The following RAB44 variants were observed in gnomAD, a reference collection of about 807,000 sequenced individuals.
RAB44 encodes RAB44, member RAS oncogene family.
In RAB44, 67 loss-of-function variants were observed where a neutral mutation model predicts 93.3. That is an observed-to-expected ratio of 0.72 (90% CI 0.59 to 0.88). The LOEUF is 0.88. Ranked by LOEUF, RAB44 falls within the 40% of genes least tolerant of loss-of-function variation. RAB44 has a pLI of 0.00. For synonymous variants in RAB44, 427 were observed against 520.3 expected, an observed-to-expected ratio of 0.82 and a Z score of 2.44; for missense variants, 1,064 against 1,261.7, an observed-to-expected ratio of 0.84 and a Z score of 2.37.
intron 2 of RAB44, among the ~76,000 whole-genome samples, chr6:36,710,030 T>G (rs1186402519): frequency 1.3e-5 from 2 of 152,206 alleles, no homozygotes; most frequent in Non-Finnish European, 2.9e-5. Context: ...TTAAAAAAAG[T>G]GGTCAAATAT....
rs1386097744 is a variant in RAB44 at position 36,726,837 on chromosome 6, G to A, written c.2682-740G>A. 3.4e-5 allele frequency among the ~76,000 whole-genome samples: 5 copies of A among 145,082 alleles called. No homozygotes were observed. In the Admixed American group the frequency reaches 3.5e-4, roughly 10 times the overall value. ...TTTTTTTGAGACAGAGTCTTGCTCTGTCACCCAGGCTGGAGTGTGGTGGTG... is the reference window on the plus strand; with the variant it reads ...TTTTTTTGAGACAGAGTCTTGCTCTATCACCCAGGCTGGAGTGTGGTGGTG... On this transcript the variant is annotated intron_variant, in intron 10 of 13. Coordinates refer to ENST00000612677, the MANE Select transcript of RAB44 (RefSeq NM_001257357.2).
Position 36,711,796 on chromosome 6 carries a change from G to A in RAB44, c.208-2032G>A, listed in dbSNP as rs138959921. Among the ~76,000 whole-genome samples the A allele has an allele frequency of 5.0e-3, 767 of 151,984 alleles. 9 individuals carry two copies. Among genetic ancestry groups the A allele is most frequent in the African/African-American group, 0.017 (715 of 41,446 alleles). Reference sequence around the variant, plus strand: ...TACATTCCTGTAATCCCAGCTACTCGGGAGGCTGAGGCAGGAGAATCACTT... The same window carrying A: ...TACATTCCTGTAATCCCAGCTACTCAGGAGGCTGAGGCAGGAGAATCACTT... On this transcript the variant is annotated intron_variant, in intron 2 of 13. Transcript: ENST00000612677.
In RAB44 at chr6:36,731,199, TCACA is replaced by T. The variant is rs999579144; in HGVS notation, c.2975+460_2975+463del. On this transcript the variant is annotated intron_variant, in intron 13 of 13. Coordinates refer to ENST00000612677, the MANE Select transcript of RAB44 (RefSeq NM_001257357.2). This position sits in a 1 kb window ranked among gnomAD's most constrained non-coding sequence, Gnocchi z 4.0. ...CTCACACTCTTACACACACTCACAC[TCACA>T]CACACACACTTGCCAAGTTCCAGCC... Among the ~76,000 whole-genome samples the T allele has an allele frequency of 6.7e-6, 1 of 149,160 alleles. No homozygotes were observed. The highest frequency in any genetic ancestry group is 1.5e-5 in the Non-Finnish European group (1 of 67,054).
At chr6:36,698,027 C>G (rs1762422994) in intron 1 of RAB44, 112 bp downstream of exon 1, 1 of 152,174 alleles carries the variant, frequency 6.6e-6, no homozygotes, top group Admixed American at 6.5e-5. Flanking sequence ...AAGGCAGAGC[C>G]CTCTTTTCTC....
In RAB44 at chr6:36,721,686, T is replaced by A. The variant is rs754868484; in HGVS notation, c.1552T>A (p.Ser518Thr). ...NSPPPQAPAG[S>T]SKQIQASDPD... ...TCCCCCTCCCCAGGCCCCAGCTGGGTCCAGCAAACAGATCCAGGCCTCAGA... is the reference window on the plus strand; with the variant it reads ...TCCCCCTCCCCAGGCCCCAGCTGGGACCAGCAAACAGATCCAGGCCTCAGA... Residue 518 changes from serine to threonine, a missense_variant, in exon 9 of 14, where the codon TCC becomes ACC. By Grantham distance (58) the Ser-to-Thr change is moderately conservative. Transcript: ENST00000612677. 3.2e-6 allele frequency: 4 copies of A among 1,233,854 alleles called. No homozygotes were observed. Among genetic ancestry groups the A allele is most frequent in the Non-Finnish European group, 4.0e-6 (4 of 988,058 alleles). The allele number at this position is 1,233,854 out of a possible 1,614,324, so 76.4% of individuals were successfully genotyped here. A position where few individuals can be genotyped will look rare whatever the true frequency, so the allele number is the denominator to read the frequency against.
chr6:36,701,653 A>G (rs994359375), intron 1 of RAB44, among the ~76,000 whole-genome samples: 9 of 152,182 alleles, frequency 5.9e-5, no homozygotes, highest in African/African-American at 1.2e-4. Flanking sequence ...GTGCTCTCCC[A>G]GCACCTGACA....
Position 36,717,165 on chromosome 6 carries a change from A to G in RAB44, c.495-108A>G, listed in dbSNP as rs973218224. 7.1e-6 allele frequency: 8 copies of G among 1,123,362 alleles called. No homozygotes were observed. In the African/African-American group the frequency reaches 1.3e-4, roughly 18 times the overall value. The allele number at this position is 1,123,362 out of a possible 1,614,324, so 69.6% of individuals were successfully genotyped here. ...TGTCAATAGATTTGGCCCAGGTGCC[A>G]AAGTCTCTTGGAGCGCTGCAGTGAA... On this transcript the variant is annotated intron_variant, in intron 4 of 13. Coordinates refer to ENST00000612677, the MANE Select transcript of RAB44 (RefSeq NM_001257357.2). The surrounding 1 kb of genome is among the most constrained non-coding windows in gnomAD (Gnocchi z 4.1).
chr6:36,722,055 G>A lies in RAB44; in HGVS notation c.1921G>A (p.Val641Met). 1 of 1,234,736 alleles carries A rather than the reference G, an allele frequency of 8.1e-7. No homozygotes were observed. The highest frequency in any genetic ancestry group is 1.0e-6 in the Non-Finnish European group (1 of 988,538). The allele number at this position is 1,234,736 out of a possible 1,614,324, so 76.5% of individuals were successfully genotyped here. A position where few individuals can be genotyped will look rare whatever the true frequency, so the allele number is the denominator to read the frequency against. The change falls in exon 9 of 14, where the codon GTG (valine) becomes ATG (methionine). Residue 641 changes from valine (V) to methionine (M), a missense_variant. Coordinates refer to ENST00000612677, the MANE Select transcript of RAB44 (RefSeq NM_001257357.2). ...RLEQGQAGPA[V>M]QEGLPEGLRE... ...GGAGCAGGGCCAGGCGGGCCCAGCGGTGCAGGAGGGCCTTCCTGAGGGGCT... is the reference window on the plus strand; with the variant it reads ...GGAGCAGGGCCAGGCGGGCCCAGCGATGCAGGAGGGCCTTCCTGAGGGGCT...
intron 9 of RAB44, 53 bp downstream of exon 9, chr6:36,722,786 G>T (rs1285894211): frequency 6.5e-7 from 1 of 1,543,704 alleles, no homozygotes; most frequent in Non-Finnish European, 8.7e-7. Flanking sequence ...AGGGGCCAGG[G>T]CCAACGAGTG....
chr6:36,729,664 G>A (rs1024909759), intron 12 of RAB44, among the ~76,000 whole-genome samples: 2 of 151,990 alleles, frequency 1.3e-5, no homozygotes, highest in Non-Finnish European at 2.9e-5. Context: ...TGTATTTTTA[G>A]TAGAGACGGG....
At chr6:36,728,615 G>A (rs552159756) in intron 11 of RAB44, 85 bp from the exon 12 acceptor site, 18 of 1,067,092 alleles carry the variant, frequency 1.7e-5, no homozygotes, top group African/African-American at 9.4e-5. Flanking sequence ...ACATGCGGGG[G>A]ACACAGTTCA....
intron 10 of RAB44, among the ~76,000 whole-genome samples, chr6:36,727,349 G>A (rs554182805): frequency 6.6e-6 from 1 of 152,188 alleles, no homozygotes; most frequent in Non-Finnish European, 1.5e-5. Flanking sequence ...GCTCCAGGAT[G>A]GGGCAGAAGG....
chr6:36,716,084 T>G (rs1762913449), intron 4 of RAB44, among the ~76,000 whole-genome samples: 1 of 152,232 alleles, frequency 6.6e-6, no homozygotes. Flanking sequence ...TCAGGCATTT[T>G]GTGCCCTGGG....
Position 36,731,102 on chromosome 6 carries a change from A to G in RAB44, c.2975+353A>G, listed in dbSNP as rs181972132. ...TCCATTAAAATCCAAATGCTTTGCA[A>G]TGGCCTGCAGCATCTCTAGTGCCAT... On this transcript the variant is annotated intron_variant, in intron 13 of 13. Coordinates refer to ENST00000612677, the MANE Select transcript of RAB44 (RefSeq NM_001257357.2). The surrounding 1 kb of genome is among the most constrained non-coding windows in gnomAD (Gnocchi z 4.0). Among the ~76,000 whole-genome samples the G allele has an allele frequency of 2.9e-3, 438 of 151,924 alleles. 6 individuals are homozygous for G. Among genetic ancestry groups the G allele is most frequent in the East Asian group, 5.4e-3 (28 of 5,156 alleles).
chr6:36,711,892 G>C (rs1762796940), intron 2 of RAB44, among the ~76,000 whole-genome samples: 1 of 140,236 alleles, frequency 7.1e-6, no homozygotes, highest in African/African-American at 2.7e-5. Context: ...GACAGAGTAA[G>C]ACTCCATCTC....
chr6:36,722,883 G>T, intron 9 of RAB44, 150 bp downstream of exon 9: 1 of 875,818 alleles, frequency 1.1e-6, no homozygotes, highest in Non-Finnish European at 1.7e-6. Flanking sequence ...TTTTATATGG[G>T]CATAACCTTA....
In RAB44 at chr6:36,718,079, G is replaced by A; in HGVS notation, c.693G>A (p.Glu231=). ...REVQQLYEEM[E]QQIRQEKQQL... ...TCCAGCAGCTCTATGAGGAGATGGA[G>A]CAGCAGATCCGCCAGGAGAAGCAGC... Residue 231 remains glutamate, a synonymous_variant, in exon 6 of 14, where the codon GAG becomes GAA. Transcript: ENST00000612677. The A allele has an allele frequency of 8.1e-7, 1 of 1,232,366 alleles. No individual in the cohort carries two copies. Among genetic ancestry groups the A allele is most frequent in the Non-Finnish European group, 1.0e-6 (1 of 988,132 alleles). The allele number at this position is 1,232,366 out of a possible 1,614,324, so 76.3% of individuals were successfully genotyped here.
In RAB44 at chr6:36,722,042, G is replaced by C; in HGVS notation, c.1908G>C (p.Gln636His). 1 of 1,234,602 alleles carries C rather than the reference G, an allele frequency of 8.1e-7. No homozygotes were observed. Among genetic ancestry groups the C allele is most frequent in the Non-Finnish European group, 1.0e-6 (1 of 988,476 alleles). 76.5% of individuals were successfully genotyped at this position (1,234,602 alleles called of 1,614,324 possible). ...CCACAGAGAGGCTGGAGCAGGGCCA[G>C]GCGGGCCCAGCGGTGCAGGAGGGCC... ...PVPTERLEQGQAGPAVQEGLP... is the reference protein window; with the variant it reads ...PVPTERLEQGHAGPAVQEGLP... Residue 636 changes from glutamine to histidine, a missense_variant, in exon 9 of 14, where the codon CAG (glutamine) becomes CAC (histidine). Gln to His is a conservative substitution (Grantham distance 24). Transcript: ENST00000612677.
At chr6:36,698,248 C>T (rs1794939863) in intron 1 of RAB44, among the ~76,000 whole-genome samples, 1 of 152,206 alleles carries the variant, frequency 6.6e-6, no homozygotes, top group Non-Finnish European at 1.5e-5. Flanking sequence ...GGCCCACTGA[C>T]TTGGACCACT....
Sources: gnomAD v4.1 joint callset for allele counts (sites outside exome capture counted in the v4.1 genomes callset) on GRCh38, gnomAD v4.1.1 for gene constraint, Gnocchi (gnomAD v3.1) non-coding constraint, MANE v1.5 for transcripts, NCBI Gene and HGNC (gene_info 2026-07-23, HGNC 2026-07-21) for gene names.